Variants in PRDM11 observed in about 807,000 individuals in gnomAD.
PRDM11 encodes PR domain-containing protein 11.
PRDM11 carries 20 observed loss-of-function variants against 97.8 expected under a neutral mutation model. That is an observed-to-expected ratio of 0.20 (90% CI 0.14 to 0.30). PRDM11 has a LOEUF of 0.30. Ranked by LOEUF, PRDM11 falls within the 10% of genes least tolerant of loss-of-function variation. The pLI, the probability that PRDM11 is intolerant of heterozygous loss-of-function variation, is 1.00. For missense variants in PRDM11, 1,139 were observed against 1,555.2 expected, an observed-to-expected ratio of 0.73 and a Z score of 4.50; for synonymous variants, 599 against 637.7, an observed-to-expected ratio of 0.94 and a Z score of 0.91.
chr11:45,139,823 T>TCTCA (rs1424167974), intron 1 of PRDM11, among the ~76,000 whole-genome samples: 6 of 152,216 alleles, frequency 3.9e-5, no homozygotes, highest in Non-Finnish European at 8.8e-5. Context: ...ACTGTAGGTG[T>TCTCA]CTCACTCATC....
intron 5 of PRDM11, chr11:45,213,595 G>C (rs747876308): frequency 2.2e-6 from 1 of 456,564 alleles, no homozygotes; most frequent in Admixed American, 2.3e-5. Flanking sequence ...TTTTTGGAGT[G>C]GGGAGAAGAA....
At chr11:45,225,852 C>A in intron 7 of PRDM11, 143 bp from the exon 8 acceptor site, 2 of 1,075,582 alleles carry the variant, frequency 1.9e-6, no homozygotes, top group Non-Finnish European at 2.6e-6. Context: ...TAATTCTGGG[C>A]TGGGATTCAA....
chr11:45,204,963 G>A (rs990461853), intron 5 of PRDM11, among the ~76,000 whole-genome samples, 185 bp downstream of exon 5: 5 of 152,172 alleles, frequency 3.3e-5, no homozygotes, highest in African/African-American at 1.2e-4. Flanking sequence ...GGGGGCTCTA[G>A]AGGACGGCGT....
chr11:45,108,595 C>G (rs1047066840), intron 1 of PRDM11, among the ~76,000 whole-genome samples: 1 of 152,162 alleles, frequency 6.6e-6, no homozygotes, highest in Non-Finnish European at 1.5e-5. Flanking sequence ...ATTCCAGAGG[C>G]AGGTGTGTCC....
At chr11:45,213,602 A>G (rs1853857262) in intron 5 of PRDM11, 1 of 456,398 alleles carries the variant, frequency 2.2e-6, no homozygotes, top group African/African-American at 2.0e-5. Context: ...AGTGGGGAGA[A>G]GAATGGGATG....
chr11:45,228,246 T>C lies in PRDM11; in HGVS notation c.*87T>C. On this transcript the variant is annotated 3_prime_UTR_variant, in exon 8 of 8. Transcript: ENST00000683152. ...TTTGATATATTATATAAATATATATTATATTATATTATATTATATTATATA... is the reference window on the plus strand; with the variant it reads ...TTTGATATATTATATAAATATATATCATATTATATTATATTATATTATATA... The C allele has an allele frequency of 2.4e-5, 4 of 164,264 alleles. No individual in the cohort carries two copies. The highest frequency in any genetic ancestry group is 3.1e-5 in the Non-Finnish European group (4 of 129,698). The allele number at this position is 164,264 out of a possible 1,614,324, so 10.2% of individuals were successfully genotyped here. A position where few individuals can be genotyped will look rare whatever the true frequency, so the allele number is the denominator to read the frequency against.
At chr11:45,123,604 C>T (rs1459102101) in intron 1 of PRDM11, among the ~76,000 whole-genome samples, 1 of 152,196 alleles carries the variant, frequency 6.6e-6, no homozygotes, top group East Asian at 1.9e-4. Context: ...AATAGGGAAT[C>T]CTTTCCCCAT....
At chr11:45,127,979 G>C (rs917107434) in intron 1 of PRDM11, among the ~76,000 whole-genome samples, 1 of 152,230 alleles carries the variant, frequency 6.6e-6, no homozygotes, top group East Asian at 1.9e-4. Flanking sequence ...AGGCCTCCTT[G>C]AGCTGTGGTG....
At chr11:45,103,228 C>T (rs983043198) in intron 1 of PRDM11, among the ~76,000 whole-genome samples, 1 of 152,196 alleles carries the variant, frequency 6.6e-6, no homozygotes. Flanking sequence ...ACCACCCCGC[C>T]GGGCCTGCCT....
chr11:45,145,352 C>T (rs1000344590), upstream of PRDM11, among the ~76,000 whole-genome samples: 3 of 152,182 alleles, frequency 2.0e-5, no homozygotes, highest in East Asian at 5.8e-4. Flanking sequence ...CCCTCATCAC[C>T]CCCACCGCCT....
Position 45,164,427 on chromosome 11 carries a change from C to T in PRDM11, c.-6-17334C>T, listed in dbSNP as rs372911584. ...CATAAATTACTCGGCAGCCTTTGGGCTAATTTTACCTTCTTGGTTTTCATG... is the reference window on the plus strand; with the variant it reads ...CATAAATTACTCGGCAGCCTTTGGGTTAATTTTACCTTCTTGGTTTTCATG... On this transcript the variant is annotated intron_variant, in intron 1 of 7. Coordinates refer to ENST00000683152, the MANE Select transcript of PRDM11 (RefSeq NM_001384648.1). 1.6e-4 allele frequency among the ~76,000 whole-genome samples: 24 copies of T among 152,364 alleles called. No homozygotes were observed. The South Asian group carries it at 4.8e-3, about 30-fold the overall frequency.
rs1854367247 is a variant in PRDM11, at chr11:45,229,919, C to T, written c.*1760C>T. 6.6e-6 allele frequency: 1 copy of T among 152,092 alleles called. No homozygotes were observed. Among genetic ancestry groups the T allele is most frequent in the African/African-American group, 2.4e-5 (1 of 41,388 alleles). 9.4% of individuals were successfully genotyped at this position (152,092 alleles called of 1,614,324 possible). A position where few individuals can be genotyped will look rare whatever the true frequency, so the allele number is the denominator to read the frequency against. On this transcript the variant is annotated 3_prime_UTR_variant, in exon 8 of 8. Coordinates refer to ENST00000683152, the MANE Select transcript of PRDM11 (RefSeq NM_001384648.1). ...TAAAACTGTGGTGGCTTCCTTCCTTCTTGGTTTATGTTGTCTCTGAGGCCT... is the reference window on the plus strand; with the variant it reads ...TAAAACTGTGGTGGCTTCCTTCCTTTTTGGTTTATGTTGTCTCTGAGGCCT...
intron 1 of PRDM11, among the ~76,000 whole-genome samples, chr11:45,107,054 G>T (rs1852074180): frequency 1.3e-5 from 2 of 152,192 alleles, no homozygotes; most frequent in Admixed American, 6.5e-5. Flanking sequence ...GGGTGGGTTG[G>T]CCAGCAATAC....
intron 1 of PRDM11, among the ~76,000 whole-genome samples, chr11:45,105,053 C>T (rs1590338672): frequency 6.6e-6 from 1 of 152,328 alleles, no homozygotes; most frequent in Middle Eastern, 3.4e-3. Flanking sequence ...TCTTATAGTT[C>T]TGGGAGCTGG....
intron 4 of PRDM11, among the ~76,000 whole-genome samples, chr11:45,184,872 G>A (rs1181390569): frequency 1.3e-5 from 2 of 152,130 alleles, no homozygotes; most frequent in Non-Finnish European, 2.9e-5. Flanking sequence ...AACCTAGGGA[G>A]AATGTGCTGA....
At chr11:45,127,096 A>G (rs1852592333) in intron 1 of PRDM11, among the ~76,000 whole-genome samples, 1 of 152,092 alleles carries the variant, frequency 6.6e-6, no homozygotes, top group African/African-American at 2.4e-5. Flanking sequence ...TTCATCTGCC[A>G]TCACTGAAAC....
intron 4 of PRDM11, among the ~76,000 whole-genome samples, chr11:45,191,315 C>T (rs898494078): frequency 2.0e-5 from 3 of 152,106 alleles, no homozygotes; most frequent in African/African-American, 7.2e-5. Flanking sequence ...TTTGTCTTGT[C>T]TTTTACTCAA....
intron 1 of PRDM11, among the ~76,000 whole-genome samples, chr11:45,102,748 C>T (rs949993463): frequency 3.3e-5 from 5 of 152,330 alleles, no homozygotes; most frequent in East Asian, 1.9e-4. Context: ...ATGCTGGAAA[C>T]GCCAGGCGAG....
At chr11:45,191,982 A>G (rs547030696) in intron 4 of PRDM11, among the ~76,000 whole-genome samples, 77 of 151,934 alleles carry the variant, frequency 5.1e-4, no homozygotes, top group Non-Finnish European at 1.0e-3. Flanking sequence ...ATTTGTCTTA[A>G]TGCTCTCCCT....
Sources: gnomAD v4.1 joint callset for allele counts (sites outside exome capture counted in the v4.1 genomes callset) on GRCh38, gnomAD v4.1.1 for gene constraint, MANE v1.5 for transcripts, NCBI Gene and HGNC (gene_info 2026-07-23, HGNC 2026-07-21) for gene names.